Variants in CIT observed in about 807,000 individuals in gnomAD.
CIT encodes the protein citron rho-interacting serine/threonine kinase.
In CIT, 79 loss-of-function variants were observed where a neutral mutation model predicts 272.7. The observed-to-expected ratio is 0.29, with a 90% CI of 0.24 to 0.35. The LOEUF (loss-of-function observed/expected upper bound fraction) is 0.35. Among genes scored for constraint, CIT ranks in the 10% least tolerant of loss-of-function variants. CIT has a pLI of 1.00. For synonymous variants in CIT, 948 were observed against 995.6 expected (o/e 0.95, Z 0.90); for missense variants, 1,909 against 2,618.3 (o/e 0.73, Z 5.91).
chr12:119,870,768 G>A (rs1950649870), intron 2 of CIT, among the ~76,000 whole-genome samples: 1 of 152,002 alleles, frequency 6.6e-6, no homozygotes, highest in Admixed American at 6.6e-5. Flanking sequence ...GCCAAGTTGA[G>A]TGGTTGCAAC....
intron 23 of CIT, among the ~76,000 whole-genome samples, chr12:119,748,334 A>G (rs1488378883): frequency 1.3e-5 from 2 of 152,220 alleles, no homozygotes. Context: ...TTATGCCTTA[A>G]TTTTCAGGAA....
intron 23 of CIT, among the ~76,000 whole-genome samples, chr12:119,748,438 G>T (rs1391899514): frequency 6.7e-6 from 1 of 148,978 alleles, no homozygotes; most frequent in Non-Finnish European, 1.5e-5. Flanking sequence ...GCGTGTAGAT[G>T]TCTGACCACC....
At chr12:119,757,295 T>A in intron 22 of CIT, 76 bp downstream of exon 22, 1 of 1,557,384 alleles carries the variant, frequency 6.4e-7, no homozygotes, top group East Asian at 2.2e-5. Context: ...AGATATTGAT[T>A]TGTGCTCGAA....
intron 28 of CIT, among the ~76,000 whole-genome samples, chr12:119,722,770 T>C (rs1330960723): frequency 2.0e-5 from 3 of 152,346 alleles, no homozygotes; most frequent in Middle Eastern, 3.4e-3. Flanking sequence ...TAGGTGCTTA[T>C]TGAATGTTTA....
At chr12:119,704,333 C>A in intron 41 of CIT, 30 bp downstream of exon 41, 1 of 1,602,292 alleles carries the variant, frequency 6.2e-7, no homozygotes, top group Non-Finnish European at 8.5e-7. Flanking sequence ...GGCTTTCCCA[C>A]GTTCAACCAA....
At chr12:119,773,844 C>G (rs973091212) in intron 16 of CIT, among the ~76,000 whole-genome samples, 8 of 152,184 alleles carry the variant, frequency 5.3e-5, no homozygotes, top group African/African-American at 1.9e-4. Context: ...AGACACGTGT[C>G]CTCTCACAAG....
In CIT at chr12:119,712,514, G is replaced by T; in HGVS notation, c.4684+77C>A. 1 of 1,453,372 alleles carries T rather than the reference G, an allele frequency of 6.9e-7. No homozygotes were observed. Among genetic ancestry groups the T allele is most frequent in the Non-Finnish European group, 9.6e-7 (1 of 1,039,136 alleles). 90.0% of individuals were successfully genotyped at this position (1,453,372 alleles called of 1,614,324 possible). A position where few individuals can be genotyped will look rare whatever the true frequency, so the allele number is the denominator to read the frequency against. Reference sequence around the variant, plus strand: ...CTCCTTTGCAGAGCCAATCTTCCCTGTACCACCCCTTCTGTCCCTGCTGAT... The same window carrying T: ...CTCCTTTGCAGAGCCAATCTTCCCTTTACCACCCCTTCTGTCCCTGCTGAT... On this transcript the variant is annotated intron_variant, in intron 36 of 47. Coordinates refer to ENST00000392521, the MANE Select transcript of CIT (RefSeq NM_001206999.2). This position sits in a 1 kb window ranked among gnomAD's most constrained non-coding sequence, Gnocchi z 5.2.
intron 28 of CIT, among the ~76,000 whole-genome samples, chr12:119,722,541 T>C (rs1593477714): frequency 1.3e-5 from 2 of 152,202 alleles, no homozygotes; most frequent in South Asian, 2.1e-4. Context: ...CCTCTTAACA[T>C]GTAGCTGATT....
At chr12:119,689,193 ACAAACAAAC>A (rs890894166) in intron 47 of CIT, among the ~76,000 whole-genome samples, 16 of 65,490 alleles carry the variant, frequency 2.4e-4, no homozygotes, top group African/African-American at 1.5e-3. Flanking sequence ...ACAAAACAAA[ACAAACAAAC>A]AAACAAACAA....
At position 119,798,577 on chromosome 12, in the gene CIT, G is replaced by A. The variant is rs974002136; in HGVS notation, c.1295+4629C>T. 1.3e-5 allele frequency among the ~76,000 whole-genome samples: 2 copies of A among 152,206 alleles called. 1 individual carries two copies. The highest frequency in any genetic ancestry group is 2.9e-5 in the Non-Finnish European group (2 of 68,040). On this transcript the variant is annotated intron_variant, in intron 10 of 47. Coordinates refer to ENST00000392521, the MANE Select transcript of CIT (RefSeq NM_001206999.2). ...GCTGTTGTTAGCACCCTGCCCACCT[G>A]AAATTCCCTCTACCTTCCTCTCCAC...
At chr12:119,716,190 C>G in intron 32 of CIT, among the ~76,000 whole-genome samples, 1 of 151,664 alleles carries the variant, frequency 6.6e-6, no homozygotes, top group East Asian at 1.9e-4. Context: ...CCAGCCTGGC[C>G]AACATGGTGA....
At chr12:119,809,996 A>G (rs933707788) in intron 9 of CIT, among the ~76,000 whole-genome samples, 3 of 152,194 alleles carry the variant, frequency 2.0e-5, no homozygotes, top group Admixed American at 2.0e-4. Flanking sequence ...CGCCCTATGC[A>G]TTTCTTCATC....
rs770688655 is a variant in CIT at position 119,825,212 on chromosome 12, C to T, written c.910G>A (p.Ala304Thr). The T allele has an allele frequency of 2.3e-5, 37 of 1,613,914 alleles. 1 individual carries two copies. In the East Asian group the frequency reaches 5.3e-4, roughly 23 times the overall value. Reference sequence around the variant, plus strand: ...AAGGTTCTGGCAGAGGTTCCCTCTGCGAAGGGGGATCTCCCATAAATCATC... The same window carrying T: ...AAGGTTCTGGCAGAGGTTCCCTCTGTGAAGGGGGATCTCCCATAAATCATC... ...YEMIYGRSPF[A>T]EGTSARTFNN... The change falls in exon 8 of 48, where the codon GCA (alanine) becomes ACA (threonine). Residue 304 changes from alanine to threonine, a missense_variant. Physicochemically the swap from Ala to Thr is moderately conservative, Grantham distance 58. Transcript: ENST00000392521.
chr12:119,834,179 TA>T lies in CIT; in HGVS notation c.565del (p.Tyr189MetfsTer5). On this transcript the variant is annotated frameshift_variant, in exon 6 of 48. Transcript: ENST00000392521. LOFTEE classifies it high-confidence loss of function. ...CAGGTTTTCATCTAACTGGTCCTCA[TA>T]TCTATTCAAAAGTGACAGCAAGTCC... Reference protein sequence around the residue: ...GGDLLSLLNRYEDQLDENLIQ... With the variant: ...GGDLLSLLNRXEDQLDENLIQ... 1 of 1,613,960 alleles carries T rather than the reference TA, an allele frequency of 6.2e-7. No homozygotes were observed. Among genetic ancestry groups the T allele is most frequent in the Non-Finnish European group, 8.5e-7 (1 of 1,179,934 alleles).
At chr12:119,791,064 A>C (rs1458850152) in intron 10 of CIT, among the ~76,000 whole-genome samples, 1 of 152,212 alleles carries the variant, frequency 6.6e-6, no homozygotes, top group African/African-American at 2.4e-5. Flanking sequence ...GGCTTGCCCT[A>C]TACCTCTATG....
intron 40 of CIT, among the ~76,000 whole-genome samples, chr12:119,706,139 C>T (rs894534091): frequency 4.0e-5 from 6 of 151,202 alleles, no homozygotes; most frequent in Admixed American, 4.0e-4. Context: ...AACAAATGTG[C>T]AGTGTGCTCT....
At chr12:119,715,163 C>G (rs1227237145) in intron 32 of CIT, among the ~76,000 whole-genome samples, 1 of 152,194 alleles carries the variant, frequency 6.6e-6, no homozygotes, top group Non-Finnish European at 1.5e-5. Context: ...TGAGACATGC[C>G]TTTTGCCTTC....
rs537802958 is a variant in CIT at position 119,745,059 on chromosome 12, G to A, written c.2905-2595C>T. Among the ~76,000 whole-genome samples the A allele has an allele frequency of 1.1e-3, 164 of 151,802 alleles. No homozygotes were observed. The Middle Eastern group carries it at 0.014, about 13-fold the overall frequency. ...AGAAAAAATATTTCAAGAAATAATG[G>A]CCACAAATTTTCCAAAGTTGATGAA... On this transcript the variant is annotated intron_variant, in intron 23 of 47. Transcript: ENST00000392521.
chr12:119,849,344 T>C (rs987078880), intron 5 of CIT, among the ~76,000 whole-genome samples: 2 of 151,812 alleles, frequency 1.3e-5, no homozygotes, highest in Non-Finnish European at 2.9e-5. Context: ...GAAGAATCTC[T>C]TGAACCTGGG....
Sources: gnomAD v4.1 joint callset for allele counts (sites outside exome capture counted in the v4.1 genomes callset) on GRCh38, gnomAD v4.1.1 for gene constraint, Gnocchi (gnomAD v3.1) non-coding constraint, MANE v1.5 for transcripts, NCBI Gene and HGNC (gene_info 2026-07-23, HGNC 2026-07-21) for gene names.